ZNF33B: variants seen among roughly 807,000 people sequenced by gnomAD.
ZNF33B encodes zinc finger protein 11b (KOX 2).
Under a neutral mutation model 45.8 loss-of-function variants are expected in ZNF33B, and 29 were observed. The observed-to-expected ratio is 0.63, with a 90% confidence interval of 0.47 to 0.86. ZNF33B has a LOEUF of 0.86. Among genes scored for constraint, ZNF33B ranks in the 40% least tolerant of loss-of-function variants. The pLI, the probability that ZNF33B is intolerant of heterozygous loss-of-function variation, is 0.00. For missense variants in ZNF33B, 831 were observed against 909.9 expected (o/e 0.91, Z 1.12); for synonymous variants, 305 against 307.8 (o/e 0.99, Z 0.10).
At chr10:42,628,026 CT>C (rs774377431) in intron 4 of ZNF33B, among the ~76,000 whole-genome samples, 1 of 151,424 alleles carries the variant, frequency 6.6e-6, no homozygotes, top group Non-Finnish European at 1.5e-5. Flanking sequence ...ATTCTTTTTC[CT>C]TTTTTTTGAG....
At chr10:42,595,896 T>A (rs1330453717) in intron 4 of ZNF33B, among the ~76,000 whole-genome samples, 9 of 152,150 alleles carry the variant, frequency 5.9e-5, no homozygotes, top group Admixed American at 1.3e-4. Context: ...TGAATTTTGT[T>A]ACAGCAGCCT....
chr10:42,593,195 T>C lies in ZNF33B; in HGVS notation c.1755A>G (p.Glu585=), dbSNP rs756910863. The C allele has an allele frequency of 1.2e-6, 2 of 1,613,606 alleles. No homozygotes were observed. Among genetic ancestry groups the C allele is most frequent in the Non-Finnish European group, 1.7e-6 (2 of 1,179,890 alleles). The change falls in exon 5 of 5, where the codon GAA becomes GAG. Residue 585 remains glutamate (E), a synonymous_variant. Transcript: ENST00000359467. ...ATTTATTGTAAAAGATTTTTCCACA[T>C]TCATGACATTCATAGGGTTTCTCCC... The part of the protein sequence containing the change: ...HTGEKPYECH[E]CGKIFYNKSY...
intron 4 of ZNF33B, among the ~76,000 whole-genome samples, chr10:42,608,201 G>T (rs998988581): frequency 1.5e-4 from 23 of 152,066 alleles, no homozygotes; most frequent in African/African-American, 5.1e-4. Flanking sequence ...CAAAGTACGC[G>T]TAGCAAAAAC....
chr10:42,597,751 T>C (rs984128964), intron 4 of ZNF33B, among the ~76,000 whole-genome samples: 1 of 152,148 alleles, frequency 6.6e-6, no homozygotes, highest in African/African-American at 2.4e-5. Context: ...AAAATACAAG[T>C]TTTGGTATAT....
chr10:42,616,296 G>A (rs188430140), intron 4 of ZNF33B, among the ~76,000 whole-genome samples: 6 of 152,266 alleles, frequency 3.9e-5, no homozygotes, highest in Admixed American at 3.9e-4. Context: ...AACAGTGATT[G>A]ATTTATACAC....
At chr10:42,602,506 T>C (rs1179033802) in intron 4 of ZNF33B, among the ~76,000 whole-genome samples, 1 of 152,194 alleles carries the variant, frequency 6.6e-6, no homozygotes, top group Non-Finnish European at 1.5e-5. Context: ...AATATTTCAA[T>C]GGATGGAAGA....
chr10:42,617,290 G>A (rs1263535694), intron 4 of ZNF33B, among the ~76,000 whole-genome samples: 1 of 151,342 alleles, frequency 6.6e-6, no homozygotes, highest in African/African-American at 2.4e-5. Context: ...TTTTTGTAGA[G>A]ATGGGGTTTC....
chr10:42,623,552 T>C lies in ZNF33B; in HGVS notation c.250+8377A>G, dbSNP rs375667170. ...ATACAGATGAAAGCTGAAAGCATCA[T>C]GCTAAGTGAAATAAGGCAGACACAA... On this transcript the variant is annotated intron_variant, in intron 4 of 4. Coordinates refer to ENST00000359467, the MANE Select transcript of ZNF33B (RefSeq NM_006955.3). 2.3e-4 allele frequency among the ~76,000 whole-genome samples: 35 copies of C among 152,312 alleles called. 1 individual carries two copies. Among genetic ancestry groups the C allele is most frequent in the African/African-American group, 8.4e-4 (35 of 41,568 alleles).
intron 1 of ZNF33B, among the ~76,000 whole-genome samples, chr10:42,580,764 C>T (rs1836811505): frequency 6.6e-6 from 1 of 151,438 alleles, no homozygotes; most frequent in African/African-American, 2.4e-5. Context: ...ACTAAAAACA[C>T]AAAAATTACC....
rs1399911645 is a variant in ZNF33B at position 42,638,564 on chromosome 10, CAAAA to C, written c.-139_-136del. ...CCTCCCACGCAAAACGTGAGACAAACAAAAGGAAAGGCGGAAACGCAGAAACGCA... is the reference window on the plus strand; with the variant it reads ...CCTCCCACGCAAAACGTGAGACAAACGGAAAGGCGGAAACGCAGAAACGCA... On this transcript the variant is annotated 5_prime_UTR_variant, in exon 1 of 5. Transcript: ENST00000359467. 1 of 475,178 alleles carries C rather than the reference CAAAA, an allele frequency of 2.1e-6. No homozygotes were observed. 29.4% of individuals were successfully genotyped at this position (475,178 alleles called of 1,614,324 possible). A position where few individuals can be genotyped will look rare whatever the true frequency, so the allele number is the denominator to read the frequency against.
At chr10:42,576,453 T>C (rs1352665577) in intron 1 of ZNF33B, among the ~76,000 whole-genome samples, 1 of 152,190 alleles carries the variant, frequency 6.6e-6, no homozygotes, top group African/African-American at 2.4e-5. Context: ...AGGTGCAACA[T>C]GCCTGGCATC....
intron 4 of ZNF33B, among the ~76,000 whole-genome samples, chr10:42,604,789 C>T (rs758421819): frequency 1.3e-5 from 2 of 151,868 alleles, no homozygotes; most frequent in Non-Finnish European, 2.9e-5. Context: ...TGTGGTAGTG[C>T]ACATACCTAT....
chr10:42,587,256 G>C (rs7919880), downstream of ZNF33B, among the ~76,000 whole-genome samples: 1 of 151,980 alleles, frequency 6.6e-6, no homozygotes, highest in African/African-American at 2.4e-5. Flanking sequence ...CTGGAGTGCA[G>C]TGGCGCCAAC....
chr10:42,636,842 AC>A, intron 2 of ZNF33B, 77 bp downstream of exon 2: 1 of 1,603,352 alleles, frequency 6.2e-7, no homozygotes. Flanking sequence ...ACAAAACAAA[AC>A]AAAAAAACCA....
chr10:42,631,332 A>C (rs1165963499), intron 4 of ZNF33B, among the ~76,000 whole-genome samples: 4 of 152,068 alleles, frequency 2.6e-5, no homozygotes, highest in Non-Finnish European at 1.5e-5. Context: ...CAGCCTCCCA[A>C]GTAGCTGGGA....
chr10:42,633,467 T>C (rs1176022525), intron 2 of ZNF33B, among the ~76,000 whole-genome samples: 2 of 152,202 alleles, frequency 1.3e-5, no homozygotes, highest in Non-Finnish European at 2.9e-5. Context: ...TAAACTACTG[T>C]AGAAGAAACC....
At position 42,593,160 on chromosome 10, in the gene ZNF33B, G is replaced by A. The variant is rs752056339; in HGVS notation, c.1790C>T (p.Thr597Ile). The A allele has an allele frequency of 2.8e-5, 45 of 1,613,218 alleles. No individual in the cohort carries two copies. Among genetic ancestry groups the A allele is most frequent in the Non-Finnish European group, 3.7e-5 (44 of 1,179,878 alleles). ...CCCTGTATGTGTTCTATTATGTTTT[G>A]TTAGGTATGATTTATTGTAAAAGAT... ...GKIFYNKSYL[T>I]KHNRTHTGEK... is the part of the protein sequence containing the mutation. The change falls in exon 5 of 5, where the codon ACA becomes ATA. Residue 597 changes from threonine (T) to isoleucine (I), a missense_variant. Physicochemically the swap from Thr to Ile is moderately conservative, Grantham distance 89 (BLOSUM62 -1). Coordinates refer to ENST00000359467, the MANE Select transcript of ZNF33B (RefSeq NM_006955.3).
At chr10:42,624,883 C>T (rs1838732719) in intron 4 of ZNF33B, among the ~76,000 whole-genome samples, 1 of 152,070 alleles carries the variant, frequency 6.6e-6, no homozygotes, top group South Asian at 2.1e-4. Context: ...TATTTTTGAA[C>T]CACAGTTGAC....
chr10:42,607,075 TA>T (rs1013702184), intron 4 of ZNF33B, among the ~76,000 whole-genome samples: 1 of 152,144 alleles, frequency 6.6e-6, no homozygotes, highest in African/African-American at 2.4e-5. Context: ...TCAGCCTGTA[TA>T]ACAATGTATT....
Sources: allele counts gnomAD v4.1 joint callset (sites outside exome capture counted in the v4.1 genomes callset), GRCh38; gene constraint gnomAD v4.1.1; transcripts MANE v1.5; gene names NCBI Gene and HGNC (gene_info 2026-07-23, HGNC 2026-07-21).